The following ST6GALNAC3 variants were observed in gnomAD, a reference collection of about 807,000 sequenced individuals.
ST6GALNAC3 encodes alpha-N-acetylgalactosaminide alpha-2,6-sialyltransferase 3.
Under a neutral mutation model 32.7 loss-of-function variants are expected in ST6GALNAC3, and 25 were observed. That is an observed-to-expected ratio of 0.76 (90% CI 0.56 to 1.07). ST6GALNAC3 has a LOEUF of 1.07. ST6GALNAC3 is among the 50% of genes least tolerant of loss of function. The pLI, the probability that ST6GALNAC3 is intolerant of heterozygous loss-of-function variation, is 0.00. For synonymous variants in ST6GALNAC3, 129 were observed against 133.1 expected, an observed-to-expected ratio of 0.97 and a Z score of 0.21; for missense variants, 355 against 382.4, an observed-to-expected ratio of 0.93 and a Z score of 0.60.
At chr1:76,214,409 T>G (rs72675924) in intron 1 of ST6GALNAC3, among the ~76,000 whole-genome samples, 4,464 of 151,988 alleles carry the variant, frequency 0.029, 120 homozygotes, top group African/African-American at 0.073. Context: ...GAAAAAAAAT[T>G]TTTTTTTTGA....
At chr1:76,408,589 T>A (rs1164699181) in intron 2 of ST6GALNAC3, among the ~76,000 whole-genome samples, 2 of 152,060 alleles carry the variant, frequency 1.3e-5, no homozygotes, top group Non-Finnish European at 2.9e-5. Flanking sequence ...GATTGTGATG[T>A]CTTAATTGAT....
chr1:76,392,233 A>G (rs746895887), intron 2 of ST6GALNAC3, among the ~76,000 whole-genome samples: 13 of 152,242 alleles, frequency 8.5e-5, no homozygotes, highest in Non-Finnish European at 1.8e-4. Context: ...GCTTAGACAA[A>G]TGATGATATA....
intron 1 of ST6GALNAC3, among the ~76,000 whole-genome samples, chr1:76,215,501 G>A (rs1028572045): frequency 3.9e-5 from 6 of 152,152 alleles, no homozygotes; most frequent in African/African-American, 1.4e-4. Flanking sequence ...CCCCTCCCCT[G>A]CCCCGGGTGA....
At chr1:76,444,086 T>C (rs1382470987) in intron 3 of ST6GALNAC3, among the ~76,000 whole-genome samples, 2 of 152,226 alleles carry the variant, frequency 1.3e-5, no homozygotes, top group African/African-American at 2.4e-5. Flanking sequence ...CAAGTTTTAA[T>C]TTATGACAGA....
intron 3 of ST6GALNAC3, among the ~76,000 whole-genome samples, chr1:76,624,942 G>A (rs369236883): frequency 1.3e-5 from 2 of 151,948 alleles, no homozygotes; most frequent in Non-Finnish European, 2.9e-5. Flanking sequence ...AATATGCATA[G>A]AGCATGGTAC....
At chr1:76,567,377 C>T (rs1441452214) in intron 3 of ST6GALNAC3, among the ~76,000 whole-genome samples, 1 of 151,944 alleles carries the variant, frequency 6.6e-6, no homozygotes, top group Admixed American at 6.6e-5. Context: ...CACAAGAGAA[C>T]AATAATCAAA....
intron 1 of ST6GALNAC3, among the ~76,000 whole-genome samples, chr1:76,194,668 A>G (rs762994335): frequency 2.0e-5 from 3 of 152,168 alleles, no homozygotes; most frequent in East Asian, 1.9e-4. Context: ...CTCTGTTGCA[A>G]TATGTTGTAT....
At chr1:76,175,413 A>G (rs409936) in intron 1 of ST6GALNAC3, among the ~76,000 whole-genome samples, 108,904 of 151,984 alleles carry the variant, frequency 0.72, 40,788 homozygotes, top group East Asian at 0.94. Flanking sequence ...GCTACGTATT[A>G]CAAAGCTGTT....
intron 1 of ST6GALNAC3, among the ~76,000 whole-genome samples, chr1:76,217,225 T>A (rs1238286725): frequency 6.6e-6 from 1 of 152,212 alleles, no homozygotes; most frequent in Non-Finnish European, 1.5e-5. Flanking sequence ...TTTTGTGTTT[T>A]TGTGTGTTTT....
At chr1:76,191,833 T>G (rs1653914339) in intron 1 of ST6GALNAC3, among the ~76,000 whole-genome samples, 1 of 151,310 alleles carries the variant, frequency 6.6e-6, no homozygotes, top group Non-Finnish European at 1.5e-5. Context: ...TGCATGTAAA[T>G]TAGCTTGTGT....
intron 1 of ST6GALNAC3, chr1:76,313,580 A>C: frequency 1.5e-6 from 1 of 652,530 alleles, no homozygotes. Context: ...GTGGAGATGC[A>C]ATGGAAGAGT....
intron 2 of ST6GALNAC3, chr1:76,353,484 G>A (rs1190902611): frequency 6.6e-6 from 1 of 152,228 alleles, no homozygotes; most frequent in Non-Finnish European, 1.5e-5. Context: ...ATTTGGCCAA[G>A]GTTCCAATTG....
intron 2 of ST6GALNAC3, among the ~76,000 whole-genome samples, chr1:76,372,658 A>G (rs1425395051): frequency 6.6e-6 from 1 of 152,192 alleles, no homozygotes; most frequent in African/African-American, 2.4e-5. Flanking sequence ...TCAAGATGAA[A>G]ATACCTAATT....
intron 1 of ST6GALNAC3, among the ~76,000 whole-genome samples, chr1:76,272,002 T>C (rs1251071624): frequency 6.6e-6 from 1 of 151,910 alleles, no homozygotes; most frequent in Non-Finnish European, 1.5e-5. Context: ...CAATAGAGGC[T>C]CTTAGAAACA....
chr1:76,103,031 G>T (rs550177101), intron 1 of ST6GALNAC3, among the ~76,000 whole-genome samples: 2 of 149,584 alleles, frequency 1.3e-5, no homozygotes, highest in East Asian at 3.9e-4. Context: ...TTTACTTCTG[G>T]CTTTCTTTAT....
intron 1 of ST6GALNAC3, among the ~76,000 whole-genome samples, chr1:76,105,939 A>G (rs899781832): frequency 2.6e-5 from 4 of 152,220 alleles, no homozygotes; most frequent in Non-Finnish European, 5.9e-5. Flanking sequence ...GAGAAAATAG[A>G]ATTGTCAGGT....
At chr1:76,428,845 G>T (rs1395615690) in intron 3 of ST6GALNAC3, among the ~76,000 whole-genome samples, 3 of 152,024 alleles carry the variant, frequency 2.0e-5, no homozygotes, top group African/African-American at 7.2e-5. Flanking sequence ...TGCACTTCTC[G>T]TAAACAGGCT....
chr1:76,449,701 G>A (rs761034103), intron 3 of ST6GALNAC3, among the ~76,000 whole-genome samples: 1 of 152,146 alleles, frequency 6.6e-6, no homozygotes, highest in Non-Finnish European at 1.5e-5. Context: ...TTTGTTATCT[G>A]TGTATCTTAA....
chr1:76,475,266 G>T (rs1659278972), intron 3 of ST6GALNAC3, among the ~76,000 whole-genome samples: 1 of 152,192 alleles, frequency 6.6e-6, no homozygotes, highest in African/African-American at 2.4e-5. Flanking sequence ...TGGTCAGCAA[G>T]AACTGAGTTT....
Sources: gnomAD v4.1 joint callset for allele counts (sites outside exome capture counted in the v4.1 genomes callset) on GRCh38, gnomAD v4.1.1 for gene constraint, MANE v1.5 for transcripts, NCBI Gene and HGNC (gene_info 2026-07-23, HGNC 2026-07-21) for gene names.